RUFY2: variants seen among roughly 807,000 people sequenced by gnomAD.
RUFY2 encodes the protein RUN and FYVE domain containing 2.
A neutral mutation model predicts 94.4 loss-of-function variants in RUFY2; 49 were observed. The observed-to-expected ratio is 0.52, with a 90% CI of 0.41 to 0.66. The LOEUF is 0.66. Among genes scored for constraint, RUFY2 ranks in the 30% least tolerant of loss-of-function variants. RUFY2 has a pLI of 0.00. For missense variants in RUFY2, 541 were observed against 692.8 expected (o/e 0.78, Z 2.46); for synonymous variants, 255 against 235.7 (o/e 1.08, Z -0.75).
intron 12 of RUFY2, chr10:68,378,512 T>A: frequency 1.0e-5 from 15 of 1,448,010 alleles, no homozygotes; most frequent in Non-Finnish European, 1.4e-5. Flanking sequence ...TAATATATTA[T>A]AAAATTGTTG....
intron 16 of RUFY2, among the ~76,000 whole-genome samples, chr10:68,351,297 A>C (rs2046652802): frequency 6.6e-6 from 1 of 150,450 alleles, no homozygotes; most frequent in African/African-American, 2.5e-5. Flanking sequence ...ACGCCCGGCT[A>C]ATTTTTTCTT....
chr10:68,353,997 A>G (rs1159778854), intron 16 of RUFY2, among the ~76,000 whole-genome samples: 1 of 152,032 alleles, frequency 6.6e-6, no homozygotes, highest in Admixed American at 6.6e-5. Context: ...CATACTGAAC[A>G]TTAGTTAGAC....
chr10:68,399,035 T>C (rs77086934), intron 3 of RUFY2, among the ~76,000 whole-genome samples: 2,630 of 152,222 alleles, frequency 0.017, 79 homozygotes, highest in African/African-American at 0.06. Context: ...TTTGATTTTT[T>C]TTTTTTTCCA....
chr10:68,407,232 C>T lies in RUFY2; in HGVS notation c.-43G>A. The T allele has an allele frequency of 1.5e-6, 2 of 1,372,634 alleles. No homozygotes were observed. Among genetic ancestry groups the T allele is most frequent in the South Asian group, 3.4e-5 (2 of 59,378 alleles). 85.0% of individuals were successfully genotyped at this position (1,372,634 alleles called of 1,614,324 possible). A position where few individuals can be genotyped will look rare whatever the true frequency, so the allele number is the denominator to read the frequency against. On this transcript the variant is annotated 5_prime_UTR_variant, in exon 1 of 18. Coordinates refer to ENST00000602465, the MANE Select transcript of RUFY2 (RefSeq NM_001330103.2). ...GGTCTCGGGCGGAGGCTCCCTCGGC[C>T]TGTCCAGCAGCTCCTTCCAGGCGCT...
chr10:68,362,366 G>A (rs939869941), intron 15 of RUFY2, among the ~76,000 whole-genome samples: 1 of 151,876 alleles, frequency 6.6e-6, no homozygotes, highest in Non-Finnish European at 1.5e-5. Flanking sequence ...TATTTAAAAC[G>A]ACTATATATT....
rs183555786 is a variant in RUFY2 at position 68,379,658 on chromosome 10, C to T, written c.1108-137G>A. 8.6e-6 allele frequency: 5 copies of T among 580,288 alleles called. No individual in the cohort carries two copies. The East Asian group carries it at 9.3e-5, about 11-fold the overall frequency. The allele number at this position is 580,288 out of a possible 1,614,324, so 35.9% of individuals were successfully genotyped here. On this transcript the variant is annotated intron_variant, in intron 11 of 17. Coordinates refer to ENST00000602465, the MANE Select transcript of RUFY2 (RefSeq NM_001330103.2). ...ATTTGAACTTCTGGGCTCAAGCTAT[C>T]CCACCTCTCAGCCTCCCAAGTAGAG...
chr10:68,400,680 A>C (rs887492394), intron 3 of RUFY2, among the ~76,000 whole-genome samples: 53 of 150,562 alleles, frequency 3.5e-4, no homozygotes, highest in Admixed American at 7.3e-4. Context: ...CATCTCAAAA[A>C]AAATAAAGAA....
chr10:68,400,313 G>A (rs999431569), intron 3 of RUFY2, among the ~76,000 whole-genome samples: 11 of 151,336 alleles, frequency 7.3e-5, no homozygotes, highest in Non-Finnish European at 7.4e-5. Context: ...GAGACTGTCC[G>A]TCTCAAAATA....
intron 7 of RUFY2, among the ~76,000 whole-genome samples, chr10:68,387,559 C>T (rs2049601405): frequency 6.6e-6 from 1 of 152,158 alleles, no homozygotes; most frequent in Non-Finnish European, 1.5e-5. Context: ...CATATTAAAT[C>T]ATTTTTAAGA....
chr10:68,365,483 C>T (rs767008447), intron 13 of RUFY2, among the ~76,000 whole-genome samples: 27 of 152,090 alleles, frequency 1.8e-4, no homozygotes, highest in Non-Finnish European at 2.8e-4. Flanking sequence ...CATCCTGTGA[C>T]GGAATGGTGT....
chr10:68,369,438 T>C (rs946484158), intron 13 of RUFY2, among the ~76,000 whole-genome samples: 2 of 149,840 alleles, frequency 1.3e-5, no homozygotes, highest in Non-Finnish European at 2.9e-5. Context: ...TAAGCTGAGA[T>C]TGTACCACTG....
intron 16 of RUFY2, among the ~76,000 whole-genome samples, chr10:68,349,057 A>G (rs766991922): frequency 6.6e-6 from 1 of 152,192 alleles, no homozygotes; most frequent in East Asian, 1.9e-4. Context: ...AAACATTTGT[A>G]GAGGGTACCC....
intron 1 of RUFY2, chr10:68,406,819 T>C (rs1267744997): frequency 1.9e-6 from 3 of 1,611,866 alleles, no homozygotes; most frequent in Admixed American, 1.7e-5. Context: ...GGCCAAAACC[T>C]GAGATGCGTC....
At chr10:68,341,566 C>CA (rs1554867384), downstream of RUFY2, 4 of 1,525,258 alleles carry the variant, frequency 2.6e-6, no homozygotes, top group Non-Finnish European at 3.6e-6. Context: ...CCCTGTTACT[C>CA]TTTCTTTTTT....
chr10:68,394,960 C>G (rs903317044), intron 4 of RUFY2, among the ~76,000 whole-genome samples: 1 of 151,306 alleles, frequency 6.6e-6, no homozygotes, highest in Non-Finnish European at 1.5e-5. Context: ...TTAAATGTCT[C>G]TATTGAAAAA....
At chr10:68,392,280 G>A (rs543183989) in intron 7 of RUFY2, among the ~76,000 whole-genome samples, 38 of 152,022 alleles carry the variant, frequency 2.5e-4, no homozygotes, top group African/African-American at 7.9e-4. Flanking sequence ...TGATCCACCC[G>A]CCTCGGCCTT....
chr10:68,404,129 T>C (rs1328551182), intron 2 of RUFY2, among the ~76,000 whole-genome samples: 1 of 152,230 alleles, frequency 6.6e-6, no homozygotes, highest in Non-Finnish European at 1.5e-5. Context: ...TATTTTTAAA[T>C]TAAATATAAA....
At chr10:68,402,952 T>G (rs1284876142) in intron 2 of RUFY2, among the ~76,000 whole-genome samples, 1 of 143,996 alleles carries the variant, frequency 6.9e-6, no homozygotes, top group Non-Finnish European at 1.5e-5. Flanking sequence ...TTCAAACAAT[T>G]CTCCTGCGTC....
chr10:68,365,185 A>T (rs768283096), intron 13 of RUFY2, among the ~76,000 whole-genome samples: 5 of 152,174 alleles, frequency 3.3e-5, no homozygotes, highest in Admixed American at 6.6e-5. Context: ...GGTTGAAGAG[A>T]AGAGTACCTG....
Sources: gnomAD v4.1 joint callset for allele counts (sites outside exome capture counted in the v4.1 genomes callset) on GRCh38, gnomAD v4.1.1 for gene constraint, MANE v1.5 for transcripts, NCBI Gene and HGNC (gene_info 2026-07-23, HGNC 2026-07-21) for gene names.